The following GABRB3 variants were observed in gnomAD, a reference collection of about 807,000 sequenced individuals.
GABRB3 encodes the protein gamma-aminobutyric acid receptor subunit beta-3.
GABRB3 carries 14 observed loss-of-function variants against 52.1 expected under a neutral mutation model. That is an observed-to-expected ratio of 0.27 (90% CI 0.18 to 0.42). The LOEUF is 0.42. Among genes scored for constraint, GABRB3 ranks in the 10% least tolerant of loss-of-function variants. GABRB3 has a pLI of 1.00. For missense variants in GABRB3, 307 were observed against 609.1 expected (o/e 0.50, Z 5.22); for synonymous variants, 260 against 232.3 (o/e 1.12, Z -1.08).
chr15:26,627,906 C>A (rs184084688), intron 3 of GABRB3, among the ~76,000 whole-genome samples: 7 of 152,296 alleles, frequency 4.6e-5, no homozygotes, highest in African/African-American at 1.7e-4. Flanking sequence ...GCATCCAATG[C>A]TACAGAGAAA....
At chr15:26,734,399 C>T (rs1890013646) in intron 3 of GABRB3, among the ~76,000 whole-genome samples, 1 of 152,038 alleles carries the variant, frequency 6.6e-6, no homozygotes, top group African/African-American at 2.4e-5. Context: ...GCAGTGACTT[C>T]CTGGATATGA....
At position 26,547,469 on chromosome 15, in the gene GABRB3, T is replaced by G; in HGVS notation, c.*324A>C. On this transcript the variant is annotated 3_prime_UTR_variant, in exon 9 of 9. Coordinates refer to ENST00000311550, the MANE Select transcript of GABRB3 (RefSeq NM_000814.6). ...TTAGATGATACTTGTCCCTTTCAAT[T>G]AAAAAAGAAAAAAACTATGACTTTC... is the stretch of plus-strand genomic sequence containing the variant. 2.0e-6 allele frequency: 1 copy of G among 488,966 alleles called. No individual in the cohort carries two copies. The highest frequency in any genetic ancestry group is 3.1e-5 in the East Asian group (1 of 32,584). The allele number at this position is 488,966 out of a possible 1,614,324, so 30.3% of individuals were successfully genotyped here. A position where few individuals can be genotyped will look rare whatever the true frequency, so the allele number is the denominator to read the frequency against.
rs114693900 is a variant in GABRB3, at chr15:26,609,413, T to C, written c.461+11901A>G. 5.1e-3 allele frequency among the ~76,000 whole-genome samples: 777 copies of C among 152,284 alleles called. 10 individuals are homozygous for C. The highest frequency in any genetic ancestry group is 0.018 in the African/African-American group (755 of 41,568). On this transcript the variant is annotated intron_variant, in intron 4 of 8. Coordinates refer to ENST00000311550, the MANE Select transcript of GABRB3 (RefSeq NM_000814.6). ...AGATTCATTATGTGAACAAACTATA[T>C]CTAGTTTATTTTTGGTTGAATACAA...
chr15:26,561,505 G>T (rs1194126937), intron 7 of GABRB3, among the ~76,000 whole-genome samples: 1 of 132,810 alleles, frequency 7.5e-6, no homozygotes, highest in Non-Finnish European at 1.5e-5. Context: ...CAGGAAAAAA[G>T]AATGTGGTTT....
At chr15:26,724,292 C>T (rs1889716016) in intron 3 of GABRB3, among the ~76,000 whole-genome samples, 1 of 152,112 alleles carries the variant, frequency 6.6e-6, no homozygotes, top group Non-Finnish European at 1.5e-5. Context: ...AACCCTAAAA[C>T]CCCCAACCAG....
chr15:26,625,950 G>T (rs1251055685), intron 3 of GABRB3, among the ~76,000 whole-genome samples: 5 of 152,128 alleles, frequency 3.3e-5, no homozygotes, highest in African/African-American at 2.4e-5. Flanking sequence ...TTAGATACAC[G>T]CCTGCCTTAC....
At chr15:26,580,244 AG>A in intron 6 of GABRB3, 74 bp downstream of exon 6, 3 of 1,561,174 alleles carry the variant, frequency 1.9e-6, no homozygotes. Context: ...AGTCTATGGC[AG>A]CACATTTTGT....
At chr15:26,568,442 T>C (rs1297349256) in intron 6 of GABRB3, among the ~76,000 whole-genome samples, 2 of 152,094 alleles carry the variant, frequency 1.3e-5, no homozygotes, top group Non-Finnish European at 2.9e-5. Context: ...AAATATGCCA[T>C]TTATCATGCC....
chr15:26,596,774 G>A (rs1272002163), intron 4 of GABRB3, among the ~76,000 whole-genome samples: 2 of 152,130 alleles, frequency 1.3e-5, no homozygotes, highest in Non-Finnish European at 1.5e-5. Context: ...ATAAATGGGT[G>A]AGACAACCTT....
chr15:26,704,161 G>T (rs180768746), intron 3 of GABRB3, among the ~76,000 whole-genome samples: 5 of 152,328 alleles, frequency 3.3e-5, no homozygotes, highest in African/African-American at 1.2e-4. Flanking sequence ...TCAGTACTAA[G>T]GGTACACTGC....
rs147515692 is a variant in GABRB3 at position 26,687,907 on chromosome 15, G to A, written c.241-66373C>T. On this transcript the variant is annotated intron_variant, in intron 3 of 8. Transcript: ENST00000311550. ...AGAATAAACACCTATTATTTTAATT[G>A]TTAGTAGGTTACAATTACTGAATCT... Among the ~76,000 whole-genome samples the A allele has an allele frequency of 9.9e-3, 1,500 of 152,270 alleles. 30 individuals are homozygous for A. The highest frequency in any genetic ancestry group is 0.034 in the African/African-American group (1,433 of 41,556).
At chr15:26,560,444 A>G (rs1889936531) in intron 8 of GABRB3, among the ~76,000 whole-genome samples, 1 of 152,010 alleles carries the variant, frequency 6.6e-6, no homozygotes, top group Non-Finnish European at 1.5e-5. Context: ...CCCTCACCCA[A>G]ATTCAAGAAT....
chr15:26,579,423 G>A (rs879875240), intron 6 of GABRB3, among the ~76,000 whole-genome samples: 5 of 152,144 alleles, frequency 3.3e-5, no homozygotes, highest in Admixed American at 6.5e-5. Context: ...AGAATGAGTC[G>A]GAGCTAGCCA....
Position 26,580,178 on chromosome 15 carries a change from G to C in GABRB3, c.682+141C>G, listed in dbSNP as rs1375285819. Reference sequence around the variant, plus strand: ...ACTCTCCTTTAGATACAGAGAGGAGGGGTGTGTGTGATGTGTGAATGATAA... The same window carrying C: ...ACTCTCCTTTAGATACAGAGAGGAGCGGTGTGTGTGATGTGTGAATGATAA... On this transcript the variant is annotated intron_variant, in intron 6 of 8. Transcript: ENST00000311550. The C allele has an allele frequency of 9.3e-6, 9 of 971,704 alleles. No homozygotes were observed. The East Asian group carries it at 2.0e-4, about 21-fold the overall frequency. The allele number at this position is 971,704 out of a possible 1,614,324, so 60.2% of individuals were successfully genotyped here.
At chr15:26,702,374 A>G (rs1397714349) in intron 3 of GABRB3, among the ~76,000 whole-genome samples, 1 of 152,232 alleles carries the variant, frequency 6.6e-6, no homozygotes, top group Admixed American at 6.5e-5. Context: ...GAGATTCAAC[A>G]ATAAGGAAAT....
chr15:26,577,646 C>T (rs1195352902), intron 6 of GABRB3, among the ~76,000 whole-genome samples: 1 of 152,220 alleles, frequency 6.6e-6, no homozygotes, highest in Non-Finnish European at 1.5e-5. Flanking sequence ...GGGAGAAAAA[C>T]AAGTTACAGT....
chr15:26,569,930 T>C (rs1890332111), intron 6 of GABRB3, among the ~76,000 whole-genome samples: 1 of 152,238 alleles, frequency 6.6e-6, no homozygotes, highest in Non-Finnish European at 1.5e-5. Context: ...TGATTACTCA[T>C]TTATTTTTCT....
At chr15:26,706,441 T>A (rs567784145) in intron 3 of GABRB3, among the ~76,000 whole-genome samples, 2 of 151,896 alleles carry the variant, frequency 1.3e-5, no homozygotes, top group East Asian at 1.9e-4. Flanking sequence ...TTGAGGGGTT[T>A]TTTTTTTCTG....
chr15:26,563,776 G>A (rs1029921394), intron 7 of GABRB3, among the ~76,000 whole-genome samples: 1 of 152,190 alleles, frequency 6.6e-6, no homozygotes, highest in Non-Finnish European at 1.5e-5. Flanking sequence ...GGAAATGGCT[G>A]GGTGGTGGCT....
Sources: gnomAD v4.1 joint callset for allele counts (sites outside exome capture counted in the v4.1 genomes callset) on GRCh38, gnomAD v4.1.1 for gene constraint, MANE v1.5 for transcripts, NCBI Gene and HGNC (gene_info 2026-07-23, HGNC 2026-07-21) for gene names.